Variants in EFCAB13 observed in about 807,000 individuals in gnomAD.
EFCAB13 encodes EF-hand calcium binding domain 13.
Under a neutral mutation model 110.2 loss-of-function variants are expected in EFCAB13, and 91 were observed. The ratio of observed to expected loss-of-function variants is 0.83; its 90% CI spans 0.70 to 0.98. The LOEUF (loss-of-function observed/expected upper bound fraction) is 0.98. Ranked by LOEUF, EFCAB13 falls within the 50% of genes least tolerant of loss-of-function variation. The probability of loss-of-function intolerance (pLI) is 0.00; values close to 1 mark genes in which losing one functional copy is unlikely to be tolerated. For missense variants in EFCAB13, 968 were observed against 1,119.4 expected (o/e 0.86, Z 1.93); for synonymous variants, 323 against 369.9 (o/e 0.87, Z 1.45).
At chr17:47,328,167 C>A in intron 3 of EFCAB13, 102 bp from the exon 4 acceptor site, 2 of 630,474 alleles carry the variant, frequency 3.2e-6, no homozygotes, top group East Asian at 2.7e-5. Context: ...GTATCATACC[C>A]CAAGTCAGTG....
In EFCAB13 at chr17:47,420,940, A is replaced by C. The variant is rs1223693139; in HGVS notation, c.2494+6021A>C. 4.4e-4 allele frequency among the ~76,000 whole-genome samples: 65 copies of C among 146,628 alleles called. 1 individual carries two copies. Among genetic ancestry groups the C allele is most frequent in the African/African-American group, 1.7e-3 (65 of 39,018 alleles). On this transcript the variant is annotated intron_variant, in intron 23 of 24. Transcript: ENST00000331493. ...CCTCTGCCCAGCCGCCCCTACTGGG[A>C]AGTGAGGAGCCCCTCTGCCCAGCCA...
At chr17:47,407,187 A>G (rs1352716091) in intron 20 of EFCAB13, among the ~76,000 whole-genome samples, 1 of 152,232 alleles carries the variant, frequency 6.6e-6, no homozygotes, top group Non-Finnish European at 1.5e-5. Context: ...TATTAACAGA[A>G]TAACTAGGGA....
At chr17:47,422,477 GA>G (rs952784897) in intron 23 of EFCAB13, among the ~76,000 whole-genome samples, 5 of 152,178 alleles carry the variant, frequency 3.3e-5, no homozygotes, top group African/African-American at 1.2e-4. Flanking sequence ...TTAATAGGTA[GA>G]AAAAATATGA....
chr17:47,333,586 A>G (rs1421443528), intron 4 of EFCAB13, among the ~76,000 whole-genome samples: 1 of 152,098 alleles, frequency 6.6e-6, no homozygotes, highest in Non-Finnish European at 1.5e-5. Flanking sequence ...TAAATCTTTA[A>G]TGCATTTTAA....
intron 19 of EFCAB13, 23 bp from the exon 20 acceptor site, chr17:47,404,539 T>A (rs2065795484): frequency 4.4e-6 from 7 of 1,600,638 alleles, no homozygotes; most frequent in Non-Finnish European, 6.0e-6. Flanking sequence ...TTCTTGTTTG[T>A]CATCTCTCTC....
In EFCAB13 at chr17:47,440,420, T is replaced by C. The variant is rs777827596; in HGVS notation, c.2639-11T>C. 15 of 1,555,356 alleles carry C rather than the reference T, an allele frequency of 9.6e-6. No homozygotes were observed. Among genetic ancestry groups the C allele is most frequent in the African/African-American group, 4.1e-5 (3 of 72,438 alleles). ...TTCTTTCTTTTAAGTAAATTATGCTTTGCCTTACAGAAAGTGGCAAGGTTA... is the reference window on the plus strand; with the variant it reads ...TTCTTTCTTTTAAGTAAATTATGCTCTGCCTTACAGAAAGTGGCAAGGTTA... On this transcript the variant is annotated splice_polypyrimidine_tract_variant and intron_variant, in intron 24 of 24. Coordinates refer to ENST00000331493, the MANE Select transcript of EFCAB13 (RefSeq NM_152347.5).
At chr17:47,420,436 C>A (rs1431085418) in intron 23 of EFCAB13, among the ~76,000 whole-genome samples, 1 of 151,838 alleles carries the variant, frequency 6.6e-6, no homozygotes, top group Admixed American at 6.6e-5. Context: ...AGCCCCTCTG[C>A]CTGGCTGCCC....
intron 9 of EFCAB13, among the ~76,000 whole-genome samples, chr17:47,355,813 C>T (rs913117989): frequency 2.8e-4 from 42 of 152,050 alleles, no homozygotes; most frequent in African/African-American, 9.2e-4. Context: ...CCTCATGATC[C>T]GCCTGCCTTG....
intron 4 of EFCAB13, among the ~76,000 whole-genome samples, chr17:47,330,664 G>GTA (rs1221152111): frequency 1.3e-5 from 2 of 152,002 alleles, no homozygotes; most frequent in Non-Finnish European, 2.9e-5. Context: ...GTATTCCGTA[G>GTA]TATATATACC....
rs1455160308 is a variant in EFCAB13 at position 47,396,162 on chromosome 17, ATAT to A, written c.1945+192_1945+194del. On this transcript the variant is annotated intron_variant, in intron 17 of 24. Transcript: ENST00000331493. ...GATTGTTTGGCTATTCAATATAAAA[ATAT>A]TATTATGTAATTTATTATTGCTCTA... 6 of 427,496 alleles carry A rather than the reference ATAT, an allele frequency of 1.4e-5. No homozygotes were observed. The East Asian group carries it at 2.1e-4, about 15-fold the overall frequency. The allele number at this position is 427,496 out of a possible 1,614,324, so 26.5% of individuals were successfully genotyped here.
intron 17 of EFCAB13, among the ~76,000 whole-genome samples, chr17:47,397,856 A>C (rs1241940187): frequency 3.4e-5 from 5 of 148,342 alleles, no homozygotes; most frequent in African/African-American, 1.0e-4. Context: ...TCCACCCGGC[A>C]GTCACCCCGT....
chr17:47,366,521 C>T (rs1283776174), intron 10 of EFCAB13, among the ~76,000 whole-genome samples: 1 of 151,906 alleles, frequency 6.6e-6, no homozygotes, highest in Non-Finnish European at 1.5e-5. Context: ...TCATTTTTTT[C>T]CTCTCACAGT....
chr17:47,398,624 G>C (rs1033555190), intron 17 of EFCAB13, among the ~76,000 whole-genome samples: 3 of 151,642 alleles, frequency 2.0e-5, no homozygotes, highest in Non-Finnish European at 4.4e-5. Flanking sequence ...GGTGCAAGAT[G>C]TGCTTTGTTA....
chr17:47,379,709 G>A (rs1471857786), intron 14 of EFCAB13, among the ~76,000 whole-genome samples: 2 of 152,002 alleles, frequency 1.3e-5, no homozygotes, highest in Non-Finnish European at 2.9e-5. Flanking sequence ...TTATTGAGTT[G>A]TAGAACTATT....
chr17:47,394,361 C>T (rs995131667), intron 16 of EFCAB13, among the ~76,000 whole-genome samples: 1 of 152,198 alleles, frequency 6.6e-6, no homozygotes, highest in South Asian at 2.1e-4. Flanking sequence ...GGGCTAGAAC[C>T]ATGTATAGCA....
chr17:47,370,521 T>C lies in EFCAB13; in HGVS notation c.877+13T>C. 1 of 1,568,154 alleles carries C rather than the reference T, an allele frequency of 6.4e-7. No individual in the cohort carries two copies. Among genetic ancestry groups the C allele is most frequent in the South Asian group, 1.2e-5 (1 of 86,644 alleles). On this transcript the variant is annotated intron_variant, in intron 11 of 24. Transcript: ENST00000331493. ...TATGAGGATGTTTGTAAGTGAGCTCTTGTTGCTATGACAAGTTTTGTTTAT... is the reference window on the plus strand; with the variant it reads ...TATGAGGATGTTTGTAAGTGAGCTCCTGTTGCTATGACAAGTTTTGTTTAT...
In EFCAB13 at chr17:47,409,644, C is replaced by T; in HGVS notation, c.2234-3C>T. Reference sequence around the variant, plus strand: ...TGTGTAATGTCTCTCTCTAAATTTGCAGATTTCAGGAAAGAGGCTTCAAAT... The same window carrying T: ...TGTGTAATGTCTCTCTCTAAATTTGTAGATTTCAGGAAAGAGGCTTCAAAT... On this transcript the variant is annotated splice_region_variant and splice_polypyrimidine_tract_variant and intron_variant, in intron 20 of 24. Coordinates refer to ENST00000331493, the MANE Select transcript of EFCAB13 (RefSeq NM_152347.5). 2 of 1,609,194 alleles carry T rather than the reference C, an allele frequency of 1.2e-6. No individual in the cohort carries two copies. Among genetic ancestry groups the T allele is most frequent in the Non-Finnish European group, 8.5e-7 (1 of 1,175,902 alleles).
rs201799724 is a variant in EFCAB13, at chr17:47,347,903, A to G, written c.613A>G (p.Ile205Val). The part of the protein sequence containing the change: ...PVILCILRIS[I>V]SDLEMRQALK... ...GATCCTTTGCATCTTGAGAATTTCT[A>G]TAAGTGATTTAGAAATGCGACAGGC... Residue 205 changes from isoleucine to valine, a missense_variant, in exon 9 of 25, where the codon ATA becomes GTA. Coordinates refer to ENST00000331493, the MANE Select transcript of EFCAB13 (RefSeq NM_152347.5). 5.2e-6 allele frequency: 8 copies of G among 1,542,990 alleles called. No individual in the cohort carries two copies. The highest frequency in any genetic ancestry group is 6.2e-6 in the Non-Finnish European group (7 of 1,133,682).
intron 10 of EFCAB13, among the ~76,000 whole-genome samples, chr17:47,365,274 G>T (rs2065539508): frequency 6.6e-6 from 1 of 152,128 alleles, no homozygotes; most frequent in African/African-American, 2.4e-5. Context: ...GAATAATTCT[G>T]ATTCCTCATG....
Sources: allele counts gnomAD v4.1 joint callset (sites outside exome capture counted in the v4.1 genomes callset), GRCh38; gene constraint gnomAD v4.1.1; transcripts MANE v1.5; gene names NCBI Gene and HGNC (gene_info 2026-07-23, HGNC 2026-07-21).